The following LRMDA variants were observed in gnomAD, a reference collection of about 807,000 sequenced individuals.
LRMDA encodes the protein leucine rich melanocyte differentiation associated.
In LRMDA, 18 loss-of-function variants were observed where a neutral mutation model predicts 29.8. That is an observed-to-expected ratio of 0.60 (90% CI 0.42 to 0.90). The LOEUF (loss-of-function observed/expected upper bound fraction) is 0.90, where lower values mean the gene tolerates loss of function less well. LRMDA is among the 40% of genes least tolerant of loss of function. The pLI, the probability that LRMDA is intolerant of heterozygous loss-of-function variation, is 0.00. For synonymous variants in LRMDA, 125 were observed against 109.4 expected (o/e 1.14, Z -0.89); for missense variants, 273 against 273.9 (o/e 1.00, Z 0.02).
At chr10:75,578,573 C>G (rs569812525) in intron 2 of LRMDA, among the ~76,000 whole-genome samples, 60 of 152,222 alleles carry the variant, frequency 3.9e-4, no homozygotes, top group African/African-American at 1.3e-3. Context: ...CAGAACTCTC[C>G]ACCCCAAATC....
chr10:76,558,771 G>T lies in LRMDA; in HGVS notation c.*1483G>T, dbSNP rs1477562570. 6.6e-6 allele frequency: 1 copy of T among 152,120 alleles called. No homozygotes were observed. Among genetic ancestry groups the T allele is most frequent in the Non-Finnish European group, 1.5e-5 (1 of 68,026 alleles). 9.4% of individuals were successfully genotyped at this position (152,120 alleles called of 1,614,324 possible). A position where few individuals can be genotyped will look rare whatever the true frequency, so the allele number is the denominator to read the frequency against. On this transcript the variant is annotated 3_prime_UTR_variant, in exon 7 of 7. Coordinates refer to ENST00000611255, the MANE Select transcript of LRMDA (RefSeq NM_001305581.2). ...TTCTCAGCTCTAGCCCGTTTACATA[G>T]CCTCTGGCCCACTGAGTCAACACAG...
At position 76,193,890 on chromosome 10, in the gene LRMDA, C is replaced by T. The variant is rs768022596; in HGVS notation, c.517-130511C>T. On this transcript the variant is annotated intron_variant, in intron 5 of 6. Coordinates refer to ENST00000611255, the MANE Select transcript of LRMDA (RefSeq NM_001305581.2). ...CTGGAGCTTTCAGGAGAAATGATGA[C>T]TGTAAAGTGAGGAGGTAGAATCTGT... Among the ~76,000 whole-genome samples, 8 of 152,264 alleles carry T rather than the reference C, an allele frequency of 5.3e-5. No homozygotes were observed. In the South Asian group the frequency reaches 6.2e-4, roughly 12 times the overall value.
intron 2 of LRMDA, among the ~76,000 whole-genome samples, chr10:75,867,171 A>AT (rs1160077942): frequency 0.012 from 1,818 of 149,670 alleles, 46 homozygotes; most frequent in African/African-American, 0.042. Context: ...ACAGATTTTT[A>AT]TTTTTTTTTT....
intron 5 of LRMDA, among the ~76,000 whole-genome samples, chr10:76,227,681 A>G (rs1851985454): frequency 6.6e-6 from 1 of 152,222 alleles, no homozygotes; most frequent in African/African-American, 2.4e-5. Context: ...TGTTAAGACC[A>G]GAGAATCACA....
intron 6 of LRMDA, chr10:76,403,289 C>A (rs1202910729): frequency 2.0e-5 from 3 of 152,020 alleles, no homozygotes; most frequent in African/African-American, 7.2e-5. Context: ...TTCAGAGTCC[C>A]TGAGATGCTT....
intron 6 of LRMDA, among the ~76,000 whole-genome samples, chr10:76,488,354 A>G (rs1003702146): frequency 6.6e-5 from 10 of 151,820 alleles, no homozygotes; most frequent in African/African-American, 2.4e-4. Context: ...TCTGCCTCTG[A>G]GAAATCACTA....
At chr10:75,850,926 T>C (rs1412199311) in intron 2 of LRMDA, among the ~76,000 whole-genome samples, 1 of 152,184 alleles carries the variant, frequency 6.6e-6, no homozygotes, top group Non-Finnish European at 1.5e-5. Context: ...AGAGAACATA[T>C]TGTCTCATGA....
At chr10:75,805,537 A>G (rs1843836335) in intron 2 of LRMDA, among the ~76,000 whole-genome samples, 1 of 152,198 alleles carries the variant, frequency 6.6e-6, no homozygotes, top group South Asian at 2.1e-4. Flanking sequence ...AGTCATGAGT[A>G]GAATGGGGAT....
At chr10:75,729,303 G>A (rs1334683015) in intron 2 of LRMDA, among the ~76,000 whole-genome samples, 1 of 152,214 alleles carries the variant, frequency 6.6e-6, no homozygotes, top group African/African-American at 2.4e-5. Flanking sequence ...GAAATCTGAA[G>A]GAAGGTTCAT....
Position 76,326,735 on chromosome 10 carries a change from A to G in LRMDA, c.601+2250A>G, listed in dbSNP as rs117259226. Reference sequence around the variant, plus strand: ...TACTTGTCCTTTTATGTAACTTCCAATGTCAACTATGATAGGTCCAAGATT... The same window carrying G: ...TACTTGTCCTTTTATGTAACTTCCAGTGTCAACTATGATAGGTCCAAGATT... On this transcript the variant is annotated intron_variant, in intron 6 of 6. Coordinates refer to ENST00000611255, the MANE Select transcript of LRMDA (RefSeq NM_001305581.2). Among the ~76,000 whole-genome samples the G allele has an allele frequency of 8.3e-3, 1,270 of 152,290 alleles. 10 individuals carry two copies. The highest frequency in any genetic ancestry group is 0.02 in the South Asian group (97 of 4,824).
At chr10:76,546,141 G>C (rs182077298) in intron 6 of LRMDA, among the ~76,000 whole-genome samples, 1 of 152,336 alleles carries the variant, frequency 6.6e-6, no homozygotes, top group Non-Finnish European at 1.5e-5. Flanking sequence ...GAATAAGTAT[G>C]CTGAGATCTT....
intron 5 of LRMDA, among the ~76,000 whole-genome samples, chr10:76,103,555 C>A (rs970197403): frequency 6.6e-6 from 1 of 152,234 alleles, no homozygotes; most frequent in Admixed American, 6.5e-5. Flanking sequence ...TACTCATACA[C>A]TTCCTGAGGT....
chr10:76,086,262 T>C (rs1251424339), intron 5 of LRMDA, among the ~76,000 whole-genome samples: 1 of 152,180 alleles, frequency 6.6e-6, no homozygotes, highest in East Asian at 1.9e-4. Flanking sequence ...CACCAACCCA[T>C]ACTTTCTGCC....
intron 2 of LRMDA, among the ~76,000 whole-genome samples, chr10:75,739,544 G>A (rs920855195): frequency 4.6e-5 from 7 of 152,170 alleles, no homozygotes; most frequent in African/African-American, 7.2e-5. Flanking sequence ...TGTTCTTGTT[G>A]GTCAGGCCAT....
chr10:76,064,132 A>C (rs1317937441), intron 5 of LRMDA, among the ~76,000 whole-genome samples: 1 of 152,228 alleles, frequency 6.6e-6, no homozygotes, highest in Non-Finnish European at 1.5e-5. Context: ...GCAGGAAAGA[A>C]ACCATTGCCT....
At chr10:75,876,326 G>A (rs957302624) in intron 2 of LRMDA, among the ~76,000 whole-genome samples, 12 of 152,160 alleles carry the variant, frequency 7.9e-5, no homozygotes, top group African/African-American at 2.9e-4. Context: ...AATGTCACTT[G>A]AGGGAGTGAT....
At chr10:75,631,169 A>AT (rs1457200358) in intron 2 of LRMDA, among the ~76,000 whole-genome samples, 3 of 152,038 alleles carry the variant, frequency 2.0e-5, no homozygotes, top group Non-Finnish European at 4.4e-5. Flanking sequence ...GAATCTTCTC[A>AT]TTGATTATCA....
At chr10:75,930,157 A>T (rs775127877) in intron 2 of LRMDA, among the ~76,000 whole-genome samples, 1 of 152,218 alleles carries the variant, frequency 6.6e-6, no homozygotes, top group African/African-American at 2.4e-5. Context: ...GCCTAAGTAT[A>T]TCTAATAATA....
intron 2 of LRMDA, among the ~76,000 whole-genome samples, chr10:75,565,996 G>T (rs770065205): frequency 6.6e-6 from 1 of 152,168 alleles, no homozygotes. Context: ...AATTGCTTGA[G>T]CCTGGAAGGT....
Sources: gnomAD v4.1 joint callset for allele counts (sites outside exome capture counted in the v4.1 genomes callset) on GRCh38, gnomAD v4.1.1 for gene constraint, MANE v1.5 for transcripts, NCBI Gene and HGNC (gene_info 2026-07-23, HGNC 2026-07-21) for gene names.